The following IMMP2L variants were observed in gnomAD, a reference collection of about 807,000 sequenced individuals.
The protein encoded by IMMP2L is inner mitochondrial membrane peptidase subunit 2.
IMMP2L carries 18 observed loss-of-function variants against 19.3 expected under a neutral mutation model. That is an observed-to-expected ratio of 0.93 (90% CI 0.64 to 1.38). The LOEUF is 1.38. Among genes scored for constraint, IMMP2L ranks in the 40% most tolerant of loss-of-function variants. IMMP2L has a pLI of 0.00. For synonymous variants in IMMP2L, 76 were observed against 73.0 expected (o/e 1.04, Z -0.21); for missense variants, 233 against 218.2 (o/e 1.07, Z -0.43).
intron 3 of IMMP2L, among the ~76,000 whole-genome samples, chr7:111,452,317 C>A (rs1839280338): frequency 6.6e-6 from 1 of 152,012 alleles, no homozygotes; most frequent in Non-Finnish European, 1.5e-5. Context: ...TAGAGTTTTG[C>A]CAAAGAAACA....
chr7:110,829,747 C>G (rs1488129244), intron 5 of IMMP2L, among the ~76,000 whole-genome samples: 1 of 152,062 alleles, frequency 6.6e-6, no homozygotes, highest in Non-Finnish European at 1.5e-5. Flanking sequence ...ACTTGAAATC[C>G]TCAAGACTCT....
At chr7:111,143,901 T>TA (rs1415350892) in intron 3 of IMMP2L, among the ~76,000 whole-genome samples, 2 of 152,204 alleles carry the variant, frequency 1.3e-5, no homozygotes, top group African/African-American at 4.8e-5. Context: ...ATCAATCATC[T>TA]AACCAAAGCT....
intron 1 of IMMP2L, among the ~76,000 whole-genome samples, chr7:111,545,861 C>T (rs112072474): frequency 0.02 from 3,058 of 152,158 alleles, 105 homozygotes; most frequent in African/African-American, 0.07. Context: ...AACCTCCATC[C>T]CTGTTCTTCA....
intron 3 of IMMP2L, among the ~76,000 whole-genome samples, chr7:111,203,405 G>T (rs1810360793): frequency 1.3e-5 from 2 of 151,976 alleles, no homozygotes; most frequent in Admixed American, 6.5e-5. Context: ...ATGGCAACAA[G>T]CGTTTTGAAG....
chr7:110,861,673 A>C (rs1015026398), intron 5 of IMMP2L, among the ~76,000 whole-genome samples: 23 of 151,956 alleles, frequency 1.5e-4, no homozygotes, highest in African/African-American at 5.3e-4. Flanking sequence ...AATTACTAAG[A>C]ATTTAAATTT....
chr7:111,529,705 T>C (rs1293389363), intron 1 of IMMP2L, among the ~76,000 whole-genome samples: 1 of 152,158 alleles, frequency 6.6e-6, no homozygotes, highest in Non-Finnish European at 1.5e-5. Context: ...ACTGATACAA[T>C]GATGAAGCTA....
At chr7:110,829,895 A>C (rs1258326399) in intron 5 of IMMP2L, among the ~76,000 whole-genome samples, 1 of 152,178 alleles carries the variant, frequency 6.6e-6, no homozygotes, top group South Asian at 2.1e-4. Context: ...TGCATAGAAA[A>C]TTACAAAGAG....
intron 1 of IMMP2L, among the ~76,000 whole-genome samples, chr7:111,536,169 CA>C: frequency 6.6e-6 from 1 of 152,020 alleles, no homozygotes; most frequent in Non-Finnish European, 1.5e-5. Flanking sequence ...TGAATCTGAG[CA>C]ATACTTTAAA....
chr7:111,543,837 A>G (rs1010977797), intron 1 of IMMP2L, among the ~76,000 whole-genome samples: 1 of 152,160 alleles, frequency 6.6e-6, no homozygotes, highest in Admixed American at 6.5e-5. Context: ...AGTATTTCCA[A>G]AAGAAGCTGA....
chr7:110,840,044 G>A (rs190645522), intron 5 of IMMP2L, among the ~76,000 whole-genome samples: 12 of 152,156 alleles, frequency 7.9e-5, no homozygotes, highest in South Asian at 2.1e-4. Flanking sequence ...AGAAGAAAAC[G>A]GCAGAACATA....
chr7:111,082,171 T>C (rs1396734726), intron 3 of IMMP2L, among the ~76,000 whole-genome samples: 1 of 152,210 alleles, frequency 6.6e-6, no homozygotes, highest in Non-Finnish European at 1.5e-5. Context: ...ACTACACCAT[T>C]TAGTTATAAA....
intron 3 of IMMP2L, among the ~76,000 whole-genome samples, chr7:111,351,488 C>A (rs760593017): frequency 4.6e-5 from 7 of 152,168 alleles, no homozygotes. Context: ...CGCACCCGGC[C>A]CATCTTTTTT....
At position 111,157,726 on chromosome 7, in the gene IMMP2L, A is replaced by G. The variant is rs528026236; in HGVS notation, c.240-194161T>C. Among the ~76,000 whole-genome samples, 7 of 152,222 alleles carry G rather than the reference A, an allele frequency of 4.6e-5. 1 individual carries two copies. The Middle Eastern group carries it at 0.017, about 370-fold the overall frequency. On this transcript the variant is annotated intron_variant, in intron 3 of 5. Coordinates refer to ENST00000405709, the MANE Select transcript of IMMP2L (RefSeq NM_032549.4). Reference sequence around the variant, plus strand: ...GTACATTTAAAAACTAAAAGAGTGTAATTGGAGCATTTGTAACACAGAAAG... The same window carrying G: ...GTACATTTAAAAACTAAAAGAGTGTGATTGGAGCATTTGTAACACAGAAAG...
chr7:110,735,496 A>C, intron 5 of IMMP2L, among the ~76,000 whole-genome samples: 1 of 152,084 alleles, frequency 6.6e-6, no homozygotes, highest in South Asian at 2.1e-4. Flanking sequence ...GATGCTATTC[A>C]TCAAGACAAT....
chr7:110,783,825 T>A (rs1414144360), intron 5 of IMMP2L, among the ~76,000 whole-genome samples: 1 of 151,794 alleles, frequency 6.6e-6, no homozygotes, highest in Non-Finnish European at 1.5e-5. Context: ...AGAGAACAGG[T>A]TAGCACATAA....
chr7:111,187,347 C>G (rs1261925434), intron 3 of IMMP2L, among the ~76,000 whole-genome samples: 1 of 152,092 alleles, frequency 6.6e-6, no homozygotes, highest in East Asian at 1.9e-4. Flanking sequence ...CCTTTTAGGA[C>G]CAACTAAATA....
chr7:111,170,466 G>A (rs767191212), intron 3 of IMMP2L, among the ~76,000 whole-genome samples: 1 of 151,860 alleles, frequency 6.6e-6, no homozygotes, highest in African/African-American at 2.4e-5. Context: ...GATGGCTGTA[G>A]CCAGAATAGG....
Position 110,979,555 on chromosome 7 carries a change from T to C in IMMP2L, c.240-15990A>G, listed in dbSNP as rs150511318. Among the ~76,000 whole-genome samples, 513 of 152,280 alleles carry C rather than the reference T, an allele frequency of 3.4e-3. 2 individuals carry two copies. The highest frequency in any genetic ancestry group is 0.014 in the Middle Eastern group (4 of 292). On this transcript the variant is annotated intron_variant, in intron 3 of 5. Coordinates refer to ENST00000405709, the MANE Select transcript of IMMP2L (RefSeq NM_032549.4). ...CTTATCACAATTATCTAAAGAATTC[T>C]ATCAGTATTATTGGGTGTGACCAAC...
At chr7:110,798,043 G>A (rs971391633) in intron 5 of IMMP2L, among the ~76,000 whole-genome samples, 2 of 152,042 alleles carry the variant, frequency 1.3e-5, no homozygotes, top group African/African-American at 2.4e-5. Context: ...GAAAAGGTAC[G>A]AGATGTGCAA....
Sources: gnomAD v4.1 joint callset for allele counts (sites outside exome capture counted in the v4.1 genomes callset) on GRCh38, gnomAD v4.1.1 for gene constraint, MANE v1.5 for transcripts, NCBI Gene and HGNC (gene_info 2026-07-23, HGNC 2026-07-21) for gene names.